The following CRTC3 variants were observed in gnomAD, a reference collection of about 807,000 sequenced individuals.
CRTC3 encodes CREB regulated transcription coactivator 3.
CRTC3 carries 26 observed loss-of-function variants against 74.5 expected under a neutral mutation model. That is an observed-to-expected ratio of 0.35 (90% CI 0.26 to 0.48). CRTC3 has a LOEUF of 0.48. Ranked by LOEUF, CRTC3 falls within the 20% of genes least tolerant of loss-of-function variation. CRTC3 has a pLI of 0.99. For missense variants in CRTC3, 760 were observed against 787.3 expected (o/e 0.97, Z 0.41); for synonymous variants, 377 against 325.8 (o/e 1.16, Z -1.69).
At chr15:90,587,430 A>G (rs941814531) in intron 2 of CRTC3, among the ~76,000 whole-genome samples, 1 of 152,232 alleles carries the variant, frequency 6.6e-6, no homozygotes, top group South Asian at 2.1e-4. Flanking sequence ...TCTATCTAGC[A>G]CTGGATCCCA....
At chr15:90,618,447 C>T (rs774700375) in intron 8 of CRTC3, among the ~76,000 whole-genome samples, 12 of 152,166 alleles carry the variant, frequency 7.9e-5, no homozygotes, top group Non-Finnish European at 1.5e-4. Context: ...GATTTCCATG[C>T]GCCTTTGAGA....
intron 13 of CRTC3, 190 bp from the exon 14 acceptor site, chr15:90,640,907 C>G: frequency 1.7e-6 from 1 of 582,020 alleles, no homozygotes; most frequent in Non-Finnish European, 3.1e-6. Context: ...TCCTCCACCC[C>G]AGCGTCTGCC....
chr15:90,639,910 G>T (rs965854127), intron 13 of CRTC3, among the ~76,000 whole-genome samples: 3 of 151,938 alleles, frequency 2.0e-5, no homozygotes, highest in Non-Finnish European at 2.9e-5. Context: ...TTAGCTGGGC[G>T]TGGTGGCAGG....
chr15:90,532,349 T>C (rs540357454), intron 1 of CRTC3, among the ~76,000 whole-genome samples: 5 of 152,366 alleles, frequency 3.3e-5, no homozygotes, highest in African/African-American at 9.6e-5. Context: ...CTATGAAGAA[T>C]GCGTCTCTAA....
chr15:90,598,772 C>T (rs1047791633), intron 3 of CRTC3: 17 of 479,332 alleles, frequency 3.5e-5, no homozygotes, highest in African/African-American at 1.2e-4. Context: ...CTGGAGGTGT[C>T]GATTTATGAG....
At chr15:90,625,651 C>T (rs987069463) in intron 9 of CRTC3, 125 bp from the exon 10 acceptor site, 44 of 825,362 alleles carry the variant, frequency 5.3e-5, no homozygotes, top group East Asian at 1.2e-4. Context: ...TCAGAGAGGC[C>T]GCACCAGGAC....
In CRTC3 at chr15:90,567,222, A is replaced by C. The variant is rs533263403; in HGVS notation, c.232-26414A>C. Among the ~76,000 whole-genome samples the C allele has an allele frequency of 1.6e-4, 25 of 152,262 alleles. 1 individual carries two copies. In the South Asian group the frequency reaches 5.2e-3, roughly 32 times the overall value. ...TATGTTAAATATACCCTGCCTGTGCAGTATGAGTGGAATAACAAAGCCAGG... is the reference window on the plus strand; with the variant it reads ...TATGTTAAATATACCCTGCCTGTGCCGTATGAGTGGAATAACAAAGCCAGG... On this transcript the variant is annotated intron_variant, in intron 2 of 14. Transcript: ENST00000268184.
At chr15:90,596,999 A>G (rs1037444165) in intron 3 of CRTC3, among the ~76,000 whole-genome samples, 1 of 152,242 alleles carries the variant, frequency 6.6e-6, no homozygotes, top group African/African-American at 2.4e-5. Context: ...CTCCTCTCAG[A>G]GTGGGCAGCC....
chr15:90,607,259 T>C lies in CRTC3; in HGVS notation c.477-119T>C, dbSNP rs75306681. 315 of 637,652 alleles carry C rather than the reference T, an allele frequency of 4.9e-4. 1 individual carries two copies. Among genetic ancestry groups the C allele is most frequent in the African/African-American group, 2.7e-3 (150 of 54,634 alleles). 39.5% of individuals were successfully genotyped at this position (637,652 alleles called of 1,614,324 possible). A position where few individuals can be genotyped will look rare whatever the true frequency, so the allele number is the denominator to read the frequency against. On this transcript the variant is annotated intron_variant, in intron 5 of 14. Coordinates refer to ENST00000268184, the MANE Select transcript of CRTC3 (RefSeq NM_022769.5). The stretch of plus-strand genomic sequence containing the variant: ...AGGTAGGTCCTAACCCCTTATTTGA[T>C]GGTTGATTATAAATCAGTTATTCTT...
At position 90,602,591 on chromosome 15, in the gene CRTC3, T is replaced by G. The variant is rs191554604; in HGVS notation, c.413+206T>G. ...TGCGATGATGGGGCCTGTGAATAGC[T>G]ACTGCACTCCAGCCTGGGCAGCATA... is the stretch of plus-strand genomic sequence containing the variant. On this transcript the variant is annotated intron_variant, in intron 4 of 14. Transcript: ENST00000268184. Among the ~76,000 whole-genome samples the G allele has an allele frequency of 2.1e-3, 313 of 152,218 alleles. 3 individuals carry two copies. The highest frequency in any genetic ancestry group is 3.6e-3 in the African/African-American group (150 of 41,534).
chr15:90,582,676 T>TAG (rs1967570507), intron 2 of CRTC3, among the ~76,000 whole-genome samples: 1 of 152,248 alleles, frequency 6.6e-6, no homozygotes, highest in Non-Finnish European at 1.5e-5. Flanking sequence ...AAACAGAACT[T>TAG]CTAATGTTTT....
At chr15:90,545,326 A>G (rs1329856499) in intron 2 of CRTC3, among the ~76,000 whole-genome samples, 2 of 152,038 alleles carry the variant, frequency 1.3e-5, no homozygotes, top group East Asian at 3.8e-4. Context: ...TATCTCTTCA[A>G]GGCTCTGCTT....
intron 2 of CRTC3, among the ~76,000 whole-genome samples, chr15:90,577,593 T>G (rs566404809): frequency 2.0e-5 from 3 of 152,320 alleles, no homozygotes; most frequent in African/African-American, 7.2e-5. Flanking sequence ...CTCCCATGTT[T>G]ATTGCAGCAC....
At chr15:90,622,744 G>A (rs753469744) in intron 9 of CRTC3, among the ~76,000 whole-genome samples, 5 of 152,052 alleles carry the variant, frequency 3.3e-5, no homozygotes, top group South Asian at 2.1e-4. Flanking sequence ...CCAGCTACTC[G>A]GGAGGCTGAG....
At chr15:90,559,681 A>G (rs1037618501) in intron 2 of CRTC3, among the ~76,000 whole-genome samples, 33 of 152,018 alleles carry the variant, frequency 2.2e-4, no homozygotes, top group African/African-American at 8.0e-4. Flanking sequence ...CTGGTGTGCA[A>G]TAGTGTGATC....
In CRTC3 at chr15:90,542,792, C is replaced by T. The variant is rs77951752; in HGVS notation, c.231+2655C>T. 4.8e-3 allele frequency among the ~76,000 whole-genome samples: 724 copies of T among 152,262 alleles called. 9 individuals are homozygous for T. Among genetic ancestry groups the T allele is most frequent in the African/African-American group, 0.017 (701 of 41,552 alleles). ...TTGACATTAATTCAAGTACTCTTAA[C>T]GTTTGTGATCCTGTCACATTTGAAG... On this transcript the variant is annotated intron_variant, in intron 2 of 14. Transcript: ENST00000268184.
intron 2 of CRTC3, among the ~76,000 whole-genome samples, chr15:90,556,958 C>CTATATATATATA (rs6145675): frequency 1.4e-4 from 18 of 130,524 alleles, no homozygotes; most frequent in African/African-American, 2.8e-4. Context: ...CACCACATGG[C>CTATATATATATA]TATATATATA....
intron 7 of CRTC3, among the ~76,000 whole-genome samples, chr15:90,615,442 A>G (rs1034899799): frequency 1.3e-5 from 2 of 152,216 alleles, no homozygotes; most frequent in African/African-American, 4.8e-5. Context: ...CCTAGGGGGG[A>G]CATGATGAAT....
chr15:90,580,766 A>C (rs896735154), intron 2 of CRTC3, among the ~76,000 whole-genome samples: 1 of 152,096 alleles, frequency 6.6e-6, no homozygotes, highest in African/African-American at 2.4e-5. Context: ...GGAATGCCAG[A>C]CCAACTCAGT....
Sources: gnomAD v4.1 joint callset for allele counts (sites outside exome capture counted in the v4.1 genomes callset) on GRCh38, gnomAD v4.1.1 for gene constraint, MANE v1.5 for transcripts, NCBI Gene and HGNC (gene_info 2026-07-23, HGNC 2026-07-21) for gene names.